Variants in GRK5 observed in about 807,000 individuals in gnomAD.
GRK5 encodes the protein G protein-coupled receptor kinase 5.
A neutral mutation model predicts 78.4 loss-of-function variants in GRK5; 40 were observed. The ratio of observed to expected loss-of-function variants is 0.51; its 90% CI spans 0.40 to 0.66. GRK5 has a LOEUF of 0.66. Ranked by LOEUF, GRK5 falls within the 30% of genes least tolerant of loss-of-function variation. The pLI, the probability that GRK5 is intolerant of heterozygous loss-of-function variation, is 0.00. For synonymous variants in GRK5, 289 were observed against 296.8 expected (o/e 0.97, Z 0.27); for missense variants, 598 against 759.9 (o/e 0.79, Z 2.50).
chr10:119,443,523 T>C (rs2133909284), intron 11 of GRK5, 21 bp from the exon 12 acceptor site: 2 of 1,585,322 alleles, frequency 1.3e-6, no homozygotes, highest in East Asian at 4.5e-5. Context: ...CTCACTCCTC[T>C]CTCCTCTCCT....
intron 3 of GRK5, among the ~76,000 whole-genome samples, chr10:119,394,729 ATGTT>A (rs1656430094): frequency 1.3e-4 from 1 of 7,630 alleles, no homozygotes; most frequent in Admixed American, 1.0e-3. Flanking sequence ...GGGCACGTGT[ATGTT>A]TGGGTGTGTG....
At chr10:119,314,330 C>T (rs1850446716) in intron 1 of GRK5, among the ~76,000 whole-genome samples, 1 of 152,234 alleles carries the variant, frequency 6.6e-6, no homozygotes, top group African/African-American at 2.4e-5. Context: ...AGTGTCAGCC[C>T]TTTGAATGGA....
At chr10:119,241,995 AAGGGT>A (rs1849035409) in intron 1 of GRK5, among the ~76,000 whole-genome samples, 2 of 152,140 alleles carry the variant, frequency 1.3e-5, no homozygotes, top group Admixed American at 1.3e-4. Flanking sequence ...TATGGTAAAT[AAGGGT>A]TGTTTAGTAG....
intron 4 of GRK5, among the ~76,000 whole-genome samples, chr10:119,408,198 G>T (rs1037076311): frequency 4.0e-5 from 6 of 150,780 alleles, no homozygotes; most frequent in Admixed American, 3.3e-4. Flanking sequence ...TAATTAGGTG[G>T]GTATGGTGGC....
Position 119,207,586 on chromosome 10 carries a change from A to G in GRK5, c.-332A>G. 2 of 278,820 alleles carry G rather than the reference A, an allele frequency of 7.2e-6. No homozygotes were observed. Among genetic ancestry groups the G allele is most frequent in the South Asian group, 6.2e-5 (2 of 32,366 alleles). 17.3% of individuals were successfully genotyped at this position (278,820 alleles called of 1,614,324 possible). A position where few individuals can be genotyped will look rare whatever the true frequency, so the allele number is the denominator to read the frequency against. On this transcript the variant is annotated 5_prime_UTR_variant, in exon 1 of 16. Coordinates refer to ENST00000392870, the MANE Select transcript of GRK5 (RefSeq NM_005308.3). ...GAGGGGAGGCAGAAGCATCCGAGGCATTAAAGCATCCGAGGGAGCCGGAGG... is the reference window on the plus strand; with the variant it reads ...GAGGGGAGGCAGAAGCATCCGAGGCGTTAAAGCATCCGAGGGAGCCGGAGG...
chr10:119,236,284 C>T (rs1848926466), intron 1 of GRK5, among the ~76,000 whole-genome samples: 1 of 151,360 alleles, frequency 6.6e-6, no homozygotes. Flanking sequence ...GGCGCGATCT[C>T]GGCTCACTGC....
chr10:119,249,713 C>G (rs993909306), intron 1 of GRK5, among the ~76,000 whole-genome samples: 17 of 152,174 alleles, frequency 1.1e-4, no homozygotes, highest in African/African-American at 4.1e-4. Flanking sequence ...GTTGGCCAGG[C>G]TGGTCTTGAA....
intron 2 of GRK5, among the ~76,000 whole-genome samples, chr10:119,355,503 AG>A (rs1323493476): frequency 1.3e-5 from 2 of 152,236 alleles, no homozygotes; most frequent in Non-Finnish European, 2.9e-5. Flanking sequence ...GCTCCTGGCT[AG>A]GTGTGGTGGC....
chr10:119,254,499 C>T (rs940155513), intron 1 of GRK5, among the ~76,000 whole-genome samples: 1 of 151,994 alleles, frequency 6.6e-6, no homozygotes, highest in Non-Finnish European at 1.5e-5. Context: ...GGAAAGGCAG[C>T]TTGGAACAAG....
chr10:119,368,797 G>T (rs1047438995), intron 2 of GRK5, among the ~76,000 whole-genome samples: 5 of 152,224 alleles, frequency 3.3e-5, no homozygotes, highest in South Asian at 4.1e-4. Context: ...GCCCAGCCTT[G>T]CCTCCGCCCA....
chr10:119,328,819 G>T (rs1209193458), intron 2 of GRK5, among the ~76,000 whole-genome samples: 2 of 152,260 alleles, frequency 1.3e-5, no homozygotes, highest in Admixed American at 1.3e-4. Flanking sequence ...TAAACTGTCT[G>T]CAGGTGGTGA....
Position 119,453,198 on chromosome 10 carries a change from C to T in GRK5, c.1596C>T (p.Thr532=), listed in dbSNP as rs767129790. ...KELNVFGPNG[T]LPPDLNRNHP... ...TGAACGTGTTTGGACCTAATGGTAC[C>T]CTCCCGCCAGATCTGAACAGAAACC... Residue 532 remains threonine (T), a synonymous_variant, in exon 15 of 16, where the codon ACC becomes ACT. Transcript: ENST00000392870. 6 of 1,600,740 alleles carry T rather than the reference C, an allele frequency of 3.7e-6. No individual in the cohort carries two copies. The highest frequency in any genetic ancestry group is 4.3e-6 in the Non-Finnish European group (5 of 1,168,004).
At chr10:119,453,433 T>G (rs1041571243) in intron 15 of GRK5, among the ~76,000 whole-genome samples, 157 bp downstream of exon 15, 2 of 152,164 alleles carry the variant, frequency 1.3e-5, no homozygotes, top group Non-Finnish European at 2.9e-5. Flanking sequence ...CCAAGGCCCC[T>G]GATACCCACG....
intron 1 of GRK5, among the ~76,000 whole-genome samples, chr10:119,292,895 C>T (rs1850009487): frequency 6.6e-6 from 1 of 151,436 alleles, no homozygotes; most frequent in African/African-American, 2.4e-5. Context: ...TGATTAAATC[C>T]ACAAATGCAG....
At chr10:119,409,198 G>A (rs577497557) in intron 4 of GRK5, among the ~76,000 whole-genome samples, 52 of 152,194 alleles carry the variant, frequency 3.4e-4, no homozygotes, top group Non-Finnish European at 6.2e-4. Context: ...TCTCCTGCGC[G>A]GCATATTTCA....
In GRK5 at chr10:119,414,910, C is replaced by T. The variant is rs189540855; in HGVS notation, c.340-8256C>T. 8.0e-3 allele frequency among the ~76,000 whole-genome samples: 1,219 copies of T among 151,460 alleles called. 3 individuals are homozygous for T. The highest frequency in any genetic ancestry group is 0.037 in the Middle Eastern group (11 of 294). On this transcript the variant is annotated intron_variant, in intron 4 of 15. Transcript: ENST00000392870. ...CAGCCTGGCCAACATGGTGAAACAC[C>T]GTCTCTACTAAAAATACAAAAATTA...
chr10:119,283,632 C>G (rs1005399357), intron 1 of GRK5, among the ~76,000 whole-genome samples: 1 of 152,204 alleles, frequency 6.6e-6, no homozygotes, highest in Non-Finnish European at 1.5e-5. Flanking sequence ...GGAGCTAGCT[C>G]AGACACCTGC....
At chr10:119,419,911 C>T (rs1365925176) in intron 4 of GRK5, among the ~76,000 whole-genome samples, 1 of 152,202 alleles carries the variant, frequency 6.6e-6, no homozygotes, top group East Asian at 1.9e-4. Flanking sequence ...CCAAACAGCA[C>T]CCTGGTCCTC....
intron 2 of GRK5, among the ~76,000 whole-genome samples, chr10:119,342,745 G>T (rs1851004649): frequency 6.6e-6 from 1 of 152,346 alleles, no homozygotes; most frequent in Non-Finnish European, 1.5e-5. Flanking sequence ...GTGCTGCCAG[G>T]TGGTGGGGAG....
Sources: allele counts gnomAD v4.1 joint callset (sites outside exome capture counted in the v4.1 genomes callset), GRCh38; gene constraint gnomAD v4.1.1; transcripts MANE v1.5; gene names NCBI Gene and HGNC (gene_info 2026-07-23, HGNC 2026-07-21).